The following YTHDC2 variants were observed in gnomAD, a reference collection of about 807,000 sequenced individuals.
The protein encoded by YTHDC2 is YTH N6-methyladenosine RNA binding protein C2.
Under a neutral mutation model 174.9 loss-of-function variants are expected in YTHDC2, and 45 were observed. The observed-to-expected ratio is 0.26, with a 90% confidence interval of 0.20 to 0.33. YTHDC2 has a LOEUF of 0.33. YTHDC2 is among the 10% of genes least tolerant of loss of function. The pLI, the probability that YTHDC2 is intolerant of heterozygous loss-of-function variation, is 1.00. For missense variants in YTHDC2, 1,650 were observed against 1,723.7 expected (o/e 0.96, Z 0.76); for synonymous variants, 657 against 574.5 (o/e 1.14, Z -2.05).
rs77154978 is a variant in YTHDC2, at chr5:113,538,944, T to C, written c.1103-130T>C. ...AAGTTATAGTTAAAGGACAATATTA[T>C]AAGAGTCACTTGAACTATGAAATTG... is the stretch of plus-strand genomic sequence containing the variant. On this transcript the variant is annotated intron_variant, in intron 7 of 29. Coordinates refer to ENST00000161863, the MANE Select transcript of YTHDC2 (RefSeq NM_022828.5). 2.4e-3 allele frequency: 1,223 copies of C among 500,512 alleles called. 10 individuals carry two copies. The highest frequency in any genetic ancestry group is 0.023 in the African/African-American group (1,102 of 48,850). 31.0% of individuals were successfully genotyped at this position (500,512 alleles called of 1,614,324 possible).
chr5:113,516,540 G>T (rs1029877248), intron 2 of YTHDC2, among the ~76,000 whole-genome samples: 1 of 152,122 alleles, frequency 6.6e-6, no homozygotes, highest in Non-Finnish European at 1.5e-5. Context: ...ATTCTGTTTT[G>T]TGTACTGTAG....
Position 113,563,264 on chromosome 5 carries a change from G to T in YTHDC2, c.2323-109G>T, listed in dbSNP as rs576457110. 5.4e-5 allele frequency: 47 copies of T among 876,934 alleles called. 1 individual carries two copies. The East Asian group carries it at 1.2e-3, about 22-fold the overall frequency. The allele number at this position is 876,934 out of a possible 1,614,324, so 54.3% of individuals were successfully genotyped here. On this transcript the variant is annotated intron_variant, in intron 18 of 29. Transcript: ENST00000161863. Reference sequence around the variant, plus strand: ...TTCCTTCTACTGTTCATTCTAATCAGAGACTCTACTAGTCTGTGTTTGGGA... The same window carrying T: ...TTCCTTCTACTGTTCATTCTAATCATAGACTCTACTAGTCTGTGTTTGGGA...
chr5:113,579,981 G>A (rs919565224), intron 24 of YTHDC2: 2 of 962,734 alleles, frequency 2.1e-6, no homozygotes, highest in Non-Finnish European at 2.5e-6. Context: ...ATTTCTCACA[G>A]TTCTGAAGGA....
intron 17 of YTHDC2, among the ~76,000 whole-genome samples, chr5:113,557,600 C>T (rs1437219493): frequency 1.3e-5 from 2 of 152,098 alleles, no homozygotes; most frequent in Non-Finnish European, 2.9e-5. Context: ...CTGAGACTAG[C>T]CTGGGCATCA....
At chr5:113,523,322 G>A (rs923031904) in intron 2 of YTHDC2, among the ~76,000 whole-genome samples, 4 of 152,072 alleles carry the variant, frequency 2.6e-5, no homozygotes, top group Admixed American at 6.5e-5. Flanking sequence ...TCATGTAACT[G>A]CTTGAAAGTT....
chr5:113,563,875 A>G lies in YTHDC2; in HGVS notation c.2459A>G (p.Asp820Gly). Residue 820 changes from aspartate to glycine, a missense_variant, in exon 20 of 30, where the codon GAT becomes GGT. Asp to Gly is a moderately conservative substitution (Grantham distance 94, BLOSUM62 -1). Transcript: ENST00000161863. Reference protein sequence around the residue: ...VQMLKTIDAMDTWEDLTELGY... With the variant: ...VQMLKTIDAMGTWEDLTELGY... ...TTTACTTAGACAATAGATGCAATGG[A>G]TACATGGGAAGATCTGACTGAACTT... 6.2e-7 allele frequency: 1 copy of G among 1,614,180 alleles called. No individual in the cohort carries two copies. Among genetic ancestry groups the G allele is most frequent in the Non-Finnish European group, 8.5e-7 (1 of 1,180,028 alleles).
At position 113,592,048 on chromosome 5, in the gene YTHDC2, G is replaced by A; in HGVS notation, c.4082G>A (p.Gly1361Asp). The change falls in exon 28 of 30, where the codon GGC becomes GAC. Residue 1361 changes from glycine (G) to aspartate (D), a missense_variant. Gly to Asp is a moderately conservative substitution (Grantham distance 94). Coordinates refer to ENST00000161863, the MANE Select transcript of YTHDC2 (RefSeq NM_022828.5). ...GGAAGGGAAAAGAGTCAGGACTGGGGCTCTGCTGGACTAGGAGGAGTATTT... is the reference window on the plus strand; with the variant it reads ...GGAAGGGAAAAGAGTCAGGACTGGGACTCTGCTGGACTAGGAGGAGTATTT... The part of the protein sequence containing the change: ...EIGREKSQDW[G>D]SAGLGGVFKV... 6.2e-7 allele frequency: 1 copy of A among 1,612,772 alleles called. No homozygotes were observed. Among genetic ancestry groups the A allele is most frequent in the African/African-American group, 1.3e-5 (1 of 74,968 alleles).
At chr5:113,580,858 C>T (rs1778360228) in intron 24 of YTHDC2, among the ~76,000 whole-genome samples, 1 of 152,066 alleles carries the variant, frequency 6.6e-6, no homozygotes, top group Non-Finnish European at 1.5e-5. Flanking sequence ...GTAGTCAGTC[C>T]TTCTTAGTTG....
At chr5:113,522,125 G>GTTT (rs1171090577) in intron 2 of YTHDC2, among the ~76,000 whole-genome samples, 1 of 100,662 alleles carries the variant, frequency 9.9e-6, no homozygotes, top group Non-Finnish European at 2.1e-5. Flanking sequence ...ATGAATGCCT[G>GTTT]TTTTTTTTGT....
intron 3 of YTHDC2, 60 bp from the exon 4 acceptor site, chr5:113,526,520 CTTATTT>C: frequency 7.4e-7 from 1 of 1,358,222 alleles, no homozygotes; most frequent in Non-Finnish European, 9.8e-7. Flanking sequence ...AAAAAAATTA[CTTATTT>C]TTAACACTTC....
At chr5:113,524,041 A>G (rs1253856600) in intron 2 of YTHDC2, among the ~76,000 whole-genome samples, 1 of 152,112 alleles carries the variant, frequency 6.6e-6, no homozygotes, top group East Asian at 1.9e-4. Flanking sequence ...CTTTGCATGT[A>G]TTATCTTAAT....
intron 10 of YTHDC2, among the ~76,000 whole-genome samples, chr5:113,544,594 A>G (rs891807669): frequency 6.6e-6 from 1 of 152,204 alleles, no homozygotes; most frequent in Non-Finnish European, 1.5e-5. Flanking sequence ...ATCTAACTAC[A>G]TAGCATCTCC....
intron 4 of YTHDC2, among the ~76,000 whole-genome samples, chr5:113,528,003 A>G (rs1774392132): frequency 1.3e-5 from 2 of 152,334 alleles, no homozygotes; most frequent in South Asian, 4.1e-4. Flanking sequence ...GAGTTACTCC[A>G]GAGAATTTGT....
chr5:113,545,941 C>T lies in YTHDC2; in HGVS notation c.1496-2600C>T, dbSNP rs1346062638. Among the ~76,000 whole-genome samples the T allele has an allele frequency of 3.4e-5, 2 of 59,688 alleles. 1 individual carries two copies. Among genetic ancestry groups the T allele is most frequent in the Non-Finnish European group, 5.8e-5 (2 of 34,616 alleles). 39.2% of individuals were successfully genotyped at this position (59,688 alleles called of 152,430 possible). On this transcript the variant is annotated intron_variant, in intron 10 of 29. Transcript: ENST00000161863. Reference sequence around the variant, plus strand: ...ATTTTTAGTAGAGACGGGGTTTCACCGTTTTAGCCGGGATGGTCTCGATCT... The same window carrying T: ...ATTTTTAGTAGAGACGGGGTTTCACTGTTTTAGCCGGGATGGTCTCGATCT...
chr5:113,585,139 A>G (rs545609295), intron 26 of YTHDC2, among the ~76,000 whole-genome samples: 1 of 152,150 alleles, frequency 6.6e-6, no homozygotes, highest in Non-Finnish European at 1.5e-5. Flanking sequence ...TTGGTTTATA[A>G]TTTCAGAATC....
At chr5:113,571,016 G>C (rs1002610359) in intron 23 of YTHDC2, among the ~76,000 whole-genome samples, 1 of 152,118 alleles carries the variant, frequency 6.6e-6, no homozygotes, top group South Asian at 2.1e-4. Context: ...CCAATCCTAT[G>C]TTGAATAAGA....
At chr5:113,548,904 A>G (rs771719029) in intron 11 of YTHDC2, 51 bp from the exon 12 acceptor site, 3 of 1,547,730 alleles carry the variant, frequency 1.9e-6, no homozygotes, top group Admixed American at 1.9e-5. Context: ...CTCATCATGA[A>G]CTAGTTTTAC....
At chr5:113,549,692 C>G (rs531617577) in intron 12 of YTHDC2, among the ~76,000 whole-genome samples, 2 of 152,170 alleles carry the variant, frequency 1.3e-5, no homozygotes, top group Admixed American at 1.3e-4. Context: ...CAATCTACCC[C>G]CCACGCAATG....
rs1580669086 is a variant in YTHDC2, at chr5:113,593,684, A to G, written c.*210A>G. The G allele has an allele frequency of 5.2e-6, 1 of 191,774 alleles. No individual in the cohort carries two copies. Among genetic ancestry groups the G allele is most frequent in the Non-Finnish European group, 1.1e-5 (1 of 94,294 alleles). 11.9% of individuals were successfully genotyped at this position (191,774 alleles called of 1,614,324 possible). Reference sequence around the variant, plus strand: ...TAGAGAATGATTATATGATGTTTGTAATGAATAAAATAGTAGTTTCATTAT... The same window carrying G: ...TAGAGAATGATTATATGATGTTTGTGATGAATAAAATAGTAGTTTCATTAT... On this transcript the variant is annotated 3_prime_UTR_variant, in exon 30 of 30. Transcript: ENST00000161863.
Sources: allele counts gnomAD v4.1 joint callset (sites outside exome capture counted in the v4.1 genomes callset), GRCh38; gene constraint gnomAD v4.1.1; transcripts MANE v1.5; gene names NCBI Gene and HGNC (gene_info 2026-07-23, HGNC 2026-07-21).